The following PROM1 variants were observed in gnomAD, a reference collection of about 807,000 sequenced individuals.
The protein encoded by PROM1 is prominin 1.
A neutral mutation model predicts 116.9 loss-of-function variants in PROM1; 105 were observed. The observed-to-expected ratio is 0.90, with a 90% CI of 0.77 to 1.06. The LOEUF (loss-of-function observed/expected upper bound fraction) is 1.06. Ranked by LOEUF, PROM1 falls within the 50% of genes least tolerant of loss-of-function variation. PROM1 has a pLI of 0.00. For synonymous variants in PROM1, 393 were observed against 387.0 expected (o/e 1.02, Z -0.18); for missense variants, 1,122 against 1,045.2 (o/e 1.07, Z -1.01).
intron 19 of PROM1, 86 bp downstream of exon 19, chr4:15,989,646 T>C (rs1720458851): frequency 1.8e-6 from 2 of 1,111,514 alleles, no homozygotes; most frequent in South Asian, 1.3e-5. Context: ...GAGATGAGCA[T>C]GTGTCGTGAG....
At chr4:16,077,368 G>A (rs1194146854) in intron 1 of PROM1, among the ~76,000 whole-genome samples, 2 of 152,126 alleles carry the variant, frequency 1.3e-5, no homozygotes, top group South Asian at 4.1e-4. Context: ...AGAAACCTTT[G>A]TTCACGTGTT....
Position 15,968,914 on chromosome 4 carries a change from T to C in PROM1, c.*479A>G, listed in dbSNP as rs998252545. ...TTAGAAGAAAGTCCTATAATACTCA[T>C]TTGTTTAAAAAACTCTGTGGTAACA... On this transcript the variant is annotated 3_prime_UTR_variant, in exon 28 of 28. Transcript: ENST00000447510. 2.0e-5 allele frequency: 3 copies of C among 152,258 alleles called. No individual in the cohort carries two copies. The highest frequency in any genetic ancestry group is 7.2e-5 in the African/African-American group (3 of 41,466). The allele number at this position is 152,258 out of a possible 1,614,324, so 9.4% of individuals were successfully genotyped here.
intron 13 of PROM1, among the ~76,000 whole-genome samples, 184 bp from the exon 14 acceptor site, chr4:16,000,803 C>G (rs1254462807): frequency 6.6e-6 from 1 of 150,864 alleles, no homozygotes; most frequent in Non-Finnish European, 1.5e-5. Context: ...AGCTCCAGGA[C>G]AGGCAAGGGT....
intron 22 of PROM1, chr4:15,985,524 T>C (rs1719140965): frequency 2.1e-6 from 1 of 482,100 alleles, no homozygotes; most frequent in East Asian, 3.9e-5. Flanking sequence ...AAAAAGGGGG[T>C]GGGAAGCAAA....
chr4:16,038,954 A>C lies in PROM1; in HGVS notation c.268T>G (p.Tyr90Asp). 5 of 1,488,460 alleles carry C rather than the reference A, an allele frequency of 3.4e-6. No homozygotes were observed. Among genetic ancestry groups the C allele is most frequent in the Non-Finnish European group, 4.5e-6 (5 of 1,117,522 alleles). The allele number at this position is 1,488,460 out of a possible 1,614,324, so 92.2% of individuals were successfully genotyped here. The change falls in exon 3 of 28, where the codon TAT becomes GAT. Residue 90 changes from tyrosine to aspartate, a missense_variant. Tyr to Asp is a radical substitution (Grantham distance 160, BLOSUM62 -3). Transcript: ENST00000447510. ...CACCAATGAAAAATTACCTTGTCAT[A>C]ATCAATTTTGGATTCATATGCCTTC... ...LQKAYESKID[Y>D]DKPETVILGL...
intron 23 of PROM1, among the ~76,000 whole-genome samples, chr4:15,981,012 A>G (rs1019438398): frequency 6.6e-6 from 1 of 150,698 alleles, no homozygotes; most frequent in Non-Finnish European, 1.5e-5. Context: ...CCCAGGCTAG[A>G]GTGCAGTGGT....
At chr4:16,066,543 T>C (rs1393405529) in intron 2 of PROM1, among the ~76,000 whole-genome samples, 4 of 152,198 alleles carry the variant, frequency 2.6e-5, no homozygotes, top group African/African-American at 9.6e-5. Flanking sequence ...CCACTGAGTT[T>C]GGGGCTCCTT....
intron 11 of PROM1, 122 bp downstream of exon 11, chr4:16,013,153 A>T: frequency 1.3e-6 from 1 of 748,394 alleles, no homozygotes; most frequent in Non-Finnish European, 2.3e-6. Context: ...ATATTTGTTT[A>T]GTTTTGACAG....
chr4:16,060,756 T>G (rs971505606), intron 2 of PROM1, among the ~76,000 whole-genome samples: 1 of 152,234 alleles, frequency 6.6e-6, no homozygotes, highest in Non-Finnish European at 1.5e-5. Flanking sequence ...TTTTCCTTTT[T>G]CATCCTTTAA....
At chr4:16,051,374 C>T (rs1375577320) in intron 2 of PROM1, among the ~76,000 whole-genome samples, 1 of 152,228 alleles carries the variant, frequency 6.6e-6, no homozygotes, top group Non-Finnish European at 1.5e-5. Context: ...TCTGTGCCTT[C>T]GTTTCCTCTT....
chr4:16,066,756 G>C (rs1205256023), intron 2 of PROM1, among the ~76,000 whole-genome samples: 2 of 152,144 alleles, frequency 1.3e-5, no homozygotes, highest in Admixed American at 6.5e-5. Flanking sequence ...GCAGCTGCTG[G>C]GCGGCCTCTC....
At chr4:16,031,652 GAAGAA>G (rs1278660068) in intron 5 of PROM1, among the ~76,000 whole-genome samples, 1 of 152,060 alleles carries the variant, frequency 6.6e-6, no homozygotes, top group African/African-American at 2.4e-5. Flanking sequence ...ACAGAAAAGG[GAAGAA>G]AAGAGAGAGA....
At chr4:16,003,948 A>G (rs1049903861) in intron 13 of PROM1, among the ~76,000 whole-genome samples, 5 of 152,140 alleles carry the variant, frequency 3.3e-5, no homozygotes, top group African/African-American at 1.2e-4. Context: ...TCTTGATTGG[A>G]TGGTGTCACC....
chr4:16,076,052 G>C lies in PROM1; in HGVS notation c.-146C>G. On this transcript the variant is annotated 5_prime_UTR_variant, in exon 2 of 28. Transcript: ENST00000447510. ...GCTGAATCTTCAGTTTTCTGTCTGA[G>C]GCTGGCTTGAGGCGAGGGATGCGGA... 1 of 1,428,800 alleles carries C rather than the reference G, an allele frequency of 7.0e-7. No individual in the cohort carries two copies. 88.5% of individuals were successfully genotyped at this position (1,428,800 alleles called of 1,614,324 possible).
chr4:15,980,397 C>T (rs764185270), intron 24 of PROM1, 25 bp downstream of exon 24: 19 of 1,441,668 alleles, frequency 1.3e-5, no homozygotes, highest in Non-Finnish European at 1.6e-5. Flanking sequence ...ATGACCCCCA[C>T]GTCTGTGGAA....
At chr4:16,069,172 T>C (rs551048691) in intron 2 of PROM1, among the ~76,000 whole-genome samples, 1 of 152,208 alleles carries the variant, frequency 6.6e-6, no homozygotes, top group South Asian at 2.1e-4. Flanking sequence ...GAGGCAGAGG[T>C]TGCAGTGAGC....
rs375970590 is a variant in PROM1 at position 16,075,857 on chromosome 4, G to T, written c.50C>A (p.Ser17Tyr). 6.2e-7 allele frequency: 1 copy of T among 1,613,644 alleles called. No individual in the cohort carries two copies. Among genetic ancestry groups the T allele is most frequent in the Non-Finnish European group, 8.5e-7 (1 of 1,179,802 alleles). Reference sequence around the variant, plus strand: ...GGATGAAGGCTGCCCTCCTGAAAAGGAGTTCCCGCACAGCCCCAGCAGCAA... The same window carrying T: ...GGATGAAGGCTGCCCTCCTGAAAAGTAGTTCCCGCACAGCCCCAGCAGCAA... ...SLLLLGLCGN[S>Y]FSGGQPSSTD... is the part of the protein sequence containing the mutation. Residue 17 changes from serine to tyrosine, a missense_variant, in exon 2 of 28, where the codon TCC (serine) becomes TAC (tyrosine). Physicochemically the swap from Ser to Tyr is moderately radical, Grantham distance 144. Coordinates refer to ENST00000447510, the MANE Select transcript of PROM1 (RefSeq NM_006017.3).
At chr4:16,075,524 C>T (rs1352829045) in intron 2 of PROM1, among the ~76,000 whole-genome samples, 163 bp downstream of exon 2, 2 of 152,194 alleles carry the variant, frequency 1.3e-5, no homozygotes, top group Non-Finnish European at 2.9e-5. Context: ...CCTATGTAAC[C>T]TGGTACAAGT....
At chr4:16,014,045 G>T (rs1201427937) in intron 10 of PROM1, among the ~76,000 whole-genome samples, 1 of 152,176 alleles carries the variant, frequency 6.6e-6, no homozygotes, top group Non-Finnish European at 1.5e-5. Context: ...TAGGGCTTTG[G>T]GGCTAAACCC....
Sources: allele counts gnomAD v4.1 joint callset (sites outside exome capture counted in the v4.1 genomes callset), GRCh38; gene constraint gnomAD v4.1.1; transcripts MANE v1.5; gene names NCBI Gene and HGNC (gene_info 2026-07-23, HGNC 2026-07-21).